The following APBB1IP variants were observed in gnomAD, a reference collection of about 807,000 sequenced individuals.
APBB1IP encodes amyloid beta precursor protein binding family B member 1 interacting protein, also known as amyloid beta A4 precursor protein-binding family B member 1-interacting protein.
In APBB1IP, 27 loss-of-function variants were observed where a neutral mutation model predicts 64.9. That is an observed-to-expected ratio of 0.42 (90% confidence interval 0.31 to 0.57). The LOEUF is 0.57. Among genes scored for constraint, APBB1IP ranks in the 20% least tolerant of loss-of-function variants. The pLI is 0.20. For synonymous variants in APBB1IP, 392 were observed against 331.0 expected (o/e 1.18, Z -2.00); for missense variants, 812 against 845.5 (o/e 0.96, Z 0.49).
intron 8 of APBB1IP, among the ~76,000 whole-genome samples, chr10:26,515,030 C>A (rs904828572): frequency 7.5e-6 from 1 of 132,662 alleles, no homozygotes; most frequent in African/African-American, 3.0e-5. Context: ...TGACACCACC[C>A]CCGGCTAATT....
At chr10:26,552,106 C>T (rs756886949) in intron 11 of APBB1IP, among the ~76,000 whole-genome samples, 2 of 152,182 alleles carry the variant, frequency 1.3e-5, no homozygotes, top group Non-Finnish European at 2.9e-5. Flanking sequence ...CGAGACCAGC[C>T]TGAGCAACAT....
chr10:26,442,570 T>G (rs1013209129), intron 2 of APBB1IP, among the ~76,000 whole-genome samples: 1 of 152,152 alleles, frequency 6.6e-6, no homozygotes, highest in Non-Finnish European at 1.5e-5. Context: ...GAGAGCTACA[T>G]CACATCAAAC....
chr10:26,539,078 A>G, intron 10 of APBB1IP, among the ~76,000 whole-genome samples: 1 of 152,250 alleles, frequency 6.6e-6, no homozygotes. Flanking sequence ...TTGATTGATT[A>G]AAATATCTTT....
chr10:26,483,886 TA>T (rs1835863442), intron 2 of APBB1IP, among the ~76,000 whole-genome samples: 1 of 152,172 alleles, frequency 6.6e-6, no homozygotes, highest in Non-Finnish European at 1.5e-5. Flanking sequence ...CTAATTTTTT[TA>T]TTTTTTGTAG....
intron 2 of APBB1IP, among the ~76,000 whole-genome samples, chr10:26,443,357 G>A (rs1297080248): frequency 1.3e-5 from 2 of 151,464 alleles, no homozygotes; most frequent in African/African-American, 4.9e-5. Flanking sequence ...CCAGGAGGTG[G>A]AGGTTGCAGT....
At chr10:26,557,091 C>T (rs1054297476) in intron 11 of APBB1IP, among the ~76,000 whole-genome samples, 1 of 152,036 alleles carries the variant, frequency 6.6e-6, no homozygotes, top group Non-Finnish European at 1.5e-5. Context: ...TTTTTGCTAT[C>T]GGGCCATATT....
At chr10:26,443,868 T>C (rs548928319) in intron 2 of APBB1IP, among the ~76,000 whole-genome samples, 61 of 152,280 alleles carry the variant, frequency 4.0e-4, no homozygotes, top group Non-Finnish European at 7.4e-4. Flanking sequence ...TTCAATCATT[T>C]TCAGTCAAAA....
chr10:26,514,729 C>A (rs879793322), intron 8 of APBB1IP, among the ~76,000 whole-genome samples: 1 of 151,670 alleles, frequency 6.6e-6, no homozygotes, highest in Non-Finnish European at 1.5e-5. Context: ...AGCTTCCTTG[C>A]GGGAAAATTT....
At chr10:26,476,989 C>G (rs541427477) in intron 2 of APBB1IP, among the ~76,000 whole-genome samples, 1 of 151,952 alleles carries the variant, frequency 6.6e-6, no homozygotes, top group African/African-American at 2.4e-5. Flanking sequence ...TTAGTAGAGG[C>G]GGGGTTTCAC....
intron 2 of APBB1IP, among the ~76,000 whole-genome samples, chr10:26,460,188 CAAAT>C (rs1386596474): frequency 3.3e-5 from 5 of 152,108 alleles, no homozygotes; most frequent in African/African-American, 1.2e-4. Context: ...AATAAATAAA[CAAAT>C]AAAACACCCT....
At chr10:26,463,255 T>C (rs1360545960) in intron 2 of APBB1IP, among the ~76,000 whole-genome samples, 1 of 152,050 alleles carries the variant, frequency 6.6e-6, no homozygotes, top group Non-Finnish European at 1.5e-5. Flanking sequence ...CTGGGCAAGA[T>C]AGTGAGATCC....
intron 11 of APBB1IP, among the ~76,000 whole-genome samples, 165 bp from the exon 12 acceptor site, chr10:26,559,940 A>C (rs551290156): frequency 1.3e-5 from 2 of 152,286 alleles, no homozygotes; most frequent in South Asian, 4.1e-4. Context: ...TTCAAAATTT[A>C]GTCATTTTTA....
intron 2 of APBB1IP, among the ~76,000 whole-genome samples, chr10:26,461,696 C>G (rs764419428): frequency 2.6e-5 from 4 of 152,096 alleles, no homozygotes; most frequent in Non-Finnish European, 4.4e-5. Flanking sequence ...AGATGTCTCT[C>G]CCTACATTAA....
intron 11 of APBB1IP, 38 bp from the exon 12 acceptor site, chr10:26,560,067 A>G: frequency 3.9e-6 from 6 of 1,557,478 alleles, no homozygotes; most frequent in Non-Finnish European, 5.3e-6. Flanking sequence ...CTAATACATG[A>G]CAAGTGAATA....
intron 8 of APBB1IP, among the ~76,000 whole-genome samples, chr10:26,531,756 T>G (rs1836557599): frequency 6.6e-6 from 1 of 152,200 alleles, no homozygotes; most frequent in Admixed American, 6.5e-5. Context: ...GTCTGCAGTT[T>G]TTTTCCTTTC....
At chr10:26,455,874 G>T (rs549855075) in intron 2 of APBB1IP, among the ~76,000 whole-genome samples, 1 of 152,240 alleles carries the variant, frequency 6.6e-6, no homozygotes, top group South Asian at 2.1e-4. Context: ...GGCATAATTT[G>T]TATTAGCTGA....
chr10:26,541,806 T>C (rs2132469590), intron 11 of APBB1IP, 114 bp downstream of exon 11: 1 of 721,246 alleles, frequency 1.4e-6, no homozygotes. Context: ...AGAAATTGTT[T>C]AACCAAAATA....
intron 14 of APBB1IP, 29 bp from the exon 15 acceptor site, chr10:26,566,932 A>G (rs1397220317): frequency 3.2e-6 from 5 of 1,539,484 alleles, no homozygotes; most frequent in Non-Finnish European, 4.3e-6. Context: ...ATTAAAAAAA[A>G]AATGAATGCT....
At position 26,538,361 on chromosome 10, in the gene APBB1IP, G is replaced by T. The variant is rs534815142; in HGVS notation, c.1044+2144G>T. Among the ~76,000 whole-genome samples the T allele has an allele frequency of 4.0e-5, 6 of 151,510 alleles. No individual in the cohort carries two copies. The East Asian group carries it at 1.2e-3, about 30-fold the overall frequency. Reference sequence around the variant, plus strand: ...ATCAATAGAAAGGTACCATGTTGCAGGCCAGGTGCGGTGGCTCATGCCTGT... The same window carrying T: ...ATCAATAGAAAGGTACCATGTTGCATGCCAGGTGCGGTGGCTCATGCCTGT... On this transcript the variant is annotated intron_variant, in intron 10 of 14. Transcript: ENST00000376236.
Sources: gnomAD v4.1 joint callset for allele counts (sites outside exome capture counted in the v4.1 genomes callset) on GRCh38, gnomAD v4.1.1 for gene constraint, MANE v1.5 for transcripts, NCBI Gene and HGNC (gene_info 2026-07-23, HGNC 2026-07-21) for gene names.